The following CEP83 variants were observed in gnomAD, a reference collection of about 807,000 sequenced individuals.
CEP83 encodes the protein centrosomal protein 83, also known as centrosomal protein of 83 kDa.
CEP83 carries 70 observed loss-of-function variants against 101.9 expected under a neutral mutation model. The observed-to-expected ratio is 0.69, with a 90% confidence interval of 0.57 to 0.84. The LOEUF (loss-of-function observed/expected upper bound fraction) is 0.84. CEP83 is among the 40% of genes least tolerant of loss of function. The probability of loss-of-function intolerance (pLI) is 0.00; values close to 1 mark genes in which losing one functional copy is unlikely to be tolerated. For synonymous variants in CEP83, 264 were observed against 267.9 expected, an observed-to-expected ratio of 0.99 and a Z score of 0.14; for missense variants, 715 against 787.2, an observed-to-expected ratio of 0.91 and a Z score of 1.10.
At chr12:94,282,389 T>G in the CEP83 span, 1 of 1,609,042 alleles carries the variant, frequency 6.2e-7, no homozygotes, top group African/African-American at 1.3e-5. Flanking sequence ...TAAACACCAT[T>G]GGCCACTATG....
At chr12:94,277,390 G>A in the CEP83 span, among the ~76,000 whole-genome samples, 1 of 152,278 alleles carries the variant, frequency 6.6e-6, no homozygotes, top group Non-Finnish European at 1.5e-5. Context: ...CAGCATTAAA[G>A]ACAAGAAACA....
chr12:94,281,509 A>G, the CEP83 span, among the ~76,000 whole-genome samples: 1 of 152,198 alleles, frequency 6.6e-6, no homozygotes, highest in Non-Finnish European at 1.5e-5. Flanking sequence ...TGTGGACTAC[A>G]GATTGTATTA....
At chr12:94,279,704 C>A in the CEP83 span, 2 of 1,465,618 alleles carry the variant, frequency 1.4e-6, no homozygotes, top group East Asian at 2.3e-5. Flanking sequence ...TCCCTCCCTG[C>A]CTGCCCTCCC....
At chr12:94,275,326 G>C in the CEP83 span, among the ~76,000 whole-genome samples, 1 of 152,354 alleles carries the variant, frequency 6.6e-6, no homozygotes, top group South Asian at 2.1e-4. Context: ...AGAACATGCT[G>C]GTTAAATGGG....
chr12:94,369,871 C>A, intron 9 of CEP83, 51 bp downstream of exon 9: 1 of 920,240 alleles, frequency 1.1e-6, no homozygotes, highest in South Asian at 1.5e-5. Flanking sequence ...AATTTGAGTT[C>A]ATATCTGAAA....
At chr12:94,328,835 A>C (rs2059084803) in intron 14 of CEP83, among the ~76,000 whole-genome samples, 2 of 152,242 alleles carry the variant, frequency 1.3e-5, no homozygotes, top group African/African-American at 4.8e-5. Context: ...AGAAACATGT[A>C]GATTTTAGTC....
At chr12:94,284,190 C>G in the CEP83 span, among the ~76,000 whole-genome samples, 1 of 151,882 alleles carries the variant, frequency 6.6e-6, no homozygotes, top group Non-Finnish European at 1.5e-5. Flanking sequence ...TGGGGAGAGT[C>G]AGAATCTTGT....
chr12:94,284,458 C>T, the CEP83 span, among the ~76,000 whole-genome samples: 1 of 152,236 alleles, frequency 6.6e-6, no homozygotes, highest in Non-Finnish European at 1.5e-5. Context: ...TCTGCTTCAC[C>T]GTCTTATAAC....
chr12:94,301,594 G>T (rs760564234), downstream of CEP83, among the ~76,000 whole-genome samples: 1 of 152,126 alleles, frequency 6.6e-6, no homozygotes, highest in Non-Finnish European at 1.5e-5. Flanking sequence ...AGCAAACTTC[G>T]AAAGAGATGT....
At chr12:94,459,447 C>G (rs1329883052) in intron 1 of CEP83, 110 bp downstream of exon 1, 1 of 152,210 alleles carries the variant, frequency 6.6e-6, no homozygotes, top group Non-Finnish European at 1.5e-5. Flanking sequence ...CGAGCTTCCA[C>G]TACTTTAACA....
chr12:94,419,812 G>A (rs988348969), intron 2 of CEP83, among the ~76,000 whole-genome samples: 4 of 151,840 alleles, frequency 2.6e-5, no homozygotes, highest in African/African-American at 4.8e-5. Context: ...AGAAACTTGC[G>A]CCTTTCTTTT....
the CEP83 span, among the ~76,000 whole-genome samples, chr12:94,280,589 T>G: frequency 6.6e-6 from 1 of 152,246 alleles, no homozygotes; most frequent in African/African-American, 2.4e-5. Flanking sequence ...ACCCCTCTTC[T>G]GCTTCCTTCC....
At chr12:94,367,760 C>A in intron 11 of CEP83, 34 bp downstream of exon 11, 1 of 1,484,768 alleles carries the variant, frequency 6.7e-7, no homozygotes, top group South Asian at 1.3e-5. Flanking sequence ...CTTATTTCAA[C>A]ATGAAAAACT....
At chr12:94,330,933 C>T (rs1003731821) in intron 14 of CEP83, among the ~76,000 whole-genome samples, 6 of 152,130 alleles carry the variant, frequency 3.9e-5, no homozygotes, top group Non-Finnish European at 5.9e-5. Context: ...AAATGTCATG[C>T]TTATATATCA....
intron 4 of CEP83, among the ~76,000 whole-genome samples, chr12:94,404,773 A>G (rs2063443380): frequency 6.6e-6 from 1 of 152,198 alleles, no homozygotes; most frequent in Admixed American, 6.5e-5. Flanking sequence ...AAGTCTTCTC[A>G]CTTCAGTAAT....
intron 4 of CEP83, among the ~76,000 whole-genome samples, chr12:94,408,586 A>G (rs1459309121): frequency 6.6e-6 from 1 of 152,114 alleles, no homozygotes; most frequent in Non-Finnish European, 1.5e-5. Context: ...TACCATACTA[A>G]TACTTTTTTT....
At chr12:94,303,913 G>T (rs7488943), downstream of CEP83, 4 of 1,608,714 alleles carry the variant, frequency 2.5e-6, no homozygotes, top group Non-Finnish European at 3.4e-6. Flanking sequence ...TTAGAAAGCA[G>T]AAATAAGCTT....
intron 1 of CEP83, among the ~76,000 whole-genome samples, chr12:94,438,473 G>C (rs1463840825): frequency 1.3e-5 from 2 of 152,116 alleles, no homozygotes; most frequent in Admixed American, 6.6e-5. Context: ...AATGATAAAA[G>C]GATTAGTCCA....
intron 4 of CEP83, among the ~76,000 whole-genome samples, chr12:94,407,353 T>C (rs978611472): frequency 9.9e-5 from 15 of 151,958 alleles, no homozygotes; most frequent in Non-Finnish European, 1.9e-4. Flanking sequence ...AAACCAGCAA[T>C]AAAGAGAACA....
Sources: allele counts gnomAD v4.1 joint callset (sites outside exome capture counted in the v4.1 genomes callset), GRCh38; gene constraint gnomAD v4.1.1; transcripts MANE v1.5; gene names NCBI Gene and HGNC (gene_info 2026-07-23, HGNC 2026-07-21).